CPD: variants seen among roughly 807,000 people sequenced by gnomAD.
The protein encoded by CPD is metallocarboxypeptidase D.
In CPD, 69 loss-of-function variants were observed where a neutral mutation model predicts 138.3. That is an observed-to-expected ratio of 0.50 (90% CI 0.41 to 0.61). The LOEUF (loss-of-function observed/expected upper bound fraction) is 0.61. Among genes scored for constraint, CPD ranks in the 20% least tolerant of loss-of-function variants. The pLI is 0.00. For synonymous variants in CPD, 651 were observed against 642.1 expected, an observed-to-expected ratio of 1.01 and a Z score of -0.21; for missense variants, 1,432 against 1,733.3, an observed-to-expected ratio of 0.83 and a Z score of 3.09.
chr17:30,464,943 T>C lies in CPD; in HGVS notation c.*129T>C. ...AGCTTTGGGAAATTAAATTGCTAAATTTGTATTCTCTGTGAATTTCACTGG... is the reference window on the plus strand; with the variant it reads ...AGCTTTGGGAAATTAAATTGCTAAACTTGTATTCTCTGTGAATTTCACTGG... On this transcript the variant is annotated 3_prime_UTR_variant, in exon 21 of 21. Transcript: ENST00000225719. The C allele has an allele frequency of 1.4e-6, 1 of 729,068 alleles. No individual in the cohort carries two copies. Among genetic ancestry groups the C allele is most frequent in the African/African-American group, 1.8e-5 (1 of 56,566 alleles). 45.2% of individuals were successfully genotyped at this position (729,068 alleles called of 1,614,324 possible). A position where few individuals can be genotyped will look rare whatever the true frequency, so the allele number is the denominator to read the frequency against.
At chr17:30,425,169 C>A (rs1320475414) in intron 6 of CPD, among the ~76,000 whole-genome samples, 1 of 152,098 alleles carries the variant, frequency 6.6e-6, no homozygotes, top group Non-Finnish European at 1.5e-5. Flanking sequence ...GGCTCCCACT[C>A]CCTATTAAAA....
chr17:30,418,154 C>T (rs1169615234), intron 2 of CPD, among the ~76,000 whole-genome samples: 1 of 151,822 alleles, frequency 6.6e-6, no homozygotes, highest in Non-Finnish European at 1.5e-5. Flanking sequence ...GTGGCATAGA[C>T]CCATAATATC....
At chr17:30,441,724 C>T (rs12943482) in intron 9 of CPD, among the ~76,000 whole-genome samples, 16,535 of 108,488 alleles carry the variant, frequency 0.15, 579 homozygotes, top group Non-Finnish European at 0.22. Flanking sequence ...TATTGATTTG[C>T]GTATATTGAA....
Position 30,379,390 on chromosome 17 carries a change from A to G in CPD, c.410A>G (p.Asn137Ser). The stretch of plus-strand genomic sequence containing the variant: ...CGGCCCCAGGTGAAGCTGGTGGGCA[A>G]CATGCATGGCGACGAGACCGTGTCG... ...PGRPQVKLVGNMHGDETVSRQ... is the reference protein window; with the variant it reads ...PGRPQVKLVGSMHGDETVSRQ... Residue 137 changes from asparagine (N) to serine (S), a missense_variant, in exon 1 of 21, where the codon AAC becomes AGC. Physicochemically the swap from Asn to Ser is conservative, Grantham distance 46. Around this residue, in one of 6 missense-constraint regions of CPD, gnomAD observed 484 missense variants for 477.2 expected, o/e 1.01. Coordinates refer to ENST00000225719, the MANE Select transcript of CPD (RefSeq NM_001304.5). This position sits in a 1 kb window ranked among gnomAD's most constrained non-coding sequence, Gnocchi z 7.0. The G allele has an allele frequency of 2.0e-6, 3 of 1,535,050 alleles. No individual in the cohort carries two copies. The highest frequency in any genetic ancestry group is 2.6e-6 in the Non-Finnish European group (3 of 1,149,962).
chr17:30,401,482 C>T, intron 2 of CPD, among the ~76,000 whole-genome samples: 1 of 150,928 alleles, frequency 6.6e-6, no homozygotes, highest in Non-Finnish European at 1.5e-5. Flanking sequence ...TCTTCTTCCT[C>T]TTCCTGTTAT....
chr17:30,448,266 G>A (rs1913078461), intron 12 of CPD, among the ~76,000 whole-genome samples: 1 of 152,170 alleles, frequency 6.6e-6, no homozygotes, highest in South Asian at 2.1e-4. Context: ...GGGAGGCCCA[G>A]GTGGGAGGAT....
At chr17:30,432,000 C>A (rs2143441336) in intron 8 of CPD, 119 bp downstream of exon 8, 3 of 680,364 alleles carry the variant, frequency 4.4e-6, no homozygotes, top group Non-Finnish European at 4.8e-6. Context: ...ATGACTTTTT[C>A]AGCTGTTTCC....
intron 6 of CPD, among the ~76,000 whole-genome samples, chr17:30,425,785 A>T (rs536517792): frequency 1.3e-5 from 2 of 152,188 alleles, no homozygotes; most frequent in South Asian, 4.1e-4. Flanking sequence ...TAATTGGAAT[A>T]TTTTTCCTCC....
intron 2 of CPD, among the ~76,000 whole-genome samples, chr17:30,407,752 C>T (rs879428912): frequency 3.0e-4 from 46 of 152,052 alleles, no homozygotes; most frequent in Non-Finnish European, 6.2e-4. Context: ...AAAATTTTCT[C>T]CCATTCTGTA....
intron 2 of CPD, among the ~76,000 whole-genome samples, chr17:30,399,963 C>T (rs1311776982): frequency 2.0e-5 from 3 of 152,126 alleles, no homozygotes; most frequent in Non-Finnish European, 4.4e-5. Context: ...TGCACTCCAA[C>T]CTGGGTAATA....
chr17:30,444,748 A>G (rs975438314), intron 11 of CPD, among the ~76,000 whole-genome samples: 1 of 152,030 alleles, frequency 6.6e-6, no homozygotes, highest in Admixed American at 6.5e-5. Context: ...TTATCTTTTG[A>G]TAAGTATAGA....
chr17:30,427,476 A>G lies in CPD; in HGVS notation c.1935A>G (p.Thr645=). ...TCCCAGACCAGTTTGTTCAGATCAC[A>G]GATCCTACGCAACCAGAAACTATTG... ...RNFPDQFVQI[T]DPTQPETIAV... The change falls in exon 7 of 21, where the codon ACA becomes ACG. Residue 645 remains threonine (T), a synonymous_variant. Coordinates refer to ENST00000225719, the MANE Select transcript of CPD (RefSeq NM_001304.5). 6.2e-7 allele frequency: 1 copy of G among 1,614,172 alleles called. No individual in the cohort carries two copies. The highest frequency in any genetic ancestry group is 8.5e-7 in the Non-Finnish European group (1 of 1,180,014).
intron 2 of CPD, among the ~76,000 whole-genome samples, chr17:30,397,737 CA>C (rs71138885): frequency 0.065 from 2,070 of 31,866 alleles, 10 homozygotes; most frequent in African/African-American, 0.1. Context: ...ACTCCTGTCT[CA>C]AAAAAAAAAA....
At chr17:30,412,922 A>G (rs1912005409) in intron 2 of CPD, among the ~76,000 whole-genome samples, 1 of 152,138 alleles carries the variant, frequency 6.6e-6, no homozygotes, top group Non-Finnish European at 1.5e-5. Flanking sequence ...TGAACCAGGT[A>G]TCTCAGTTGG....
In CPD at chr17:30,388,966, G is replaced by C. The variant is rs76380848; in HGVS notation, c.994+3730G>C. On this transcript the variant is annotated intron_variant, in intron 2 of 20. Transcript: ENST00000225719. ...AGCCCAGGAACCCGGGACCCTTAGT[G>C]GGGTGGGCGCAGTGGCTGCACTTCT... Among the ~76,000 whole-genome samples the C allele has an allele frequency of 0.016, 2,379 of 152,284 alleles. 123 individuals carry two copies. In the East Asian group the frequency reaches 0.19, roughly 12 times the overall value.
At chr17:30,382,027 A>G (rs1911063225) in intron 1 of CPD, among the ~76,000 whole-genome samples, 1 of 152,156 alleles carries the variant, frequency 6.6e-6, no homozygotes, top group African/African-American at 2.4e-5. Context: ...CTATTTTTTT[A>G]TAGTTGACCG....
chr17:30,466,369 T>C lies in CPD; in HGVS notation c.*1555T>C, dbSNP rs1913638013. ...TCCTAGGTCGTTCAACCAGGTTTTG[T>C]GAGGAATGCATTCAAAGTGGCTTTA... is the stretch of plus-strand genomic sequence containing the variant. On this transcript the variant is annotated 3_prime_UTR_variant, in exon 21 of 21. Coordinates refer to ENST00000225719, the MANE Select transcript of CPD (RefSeq NM_001304.5). 1 of 152,572 alleles carries C rather than the reference T, an allele frequency of 6.6e-6. No homozygotes were observed. The highest frequency in any genetic ancestry group is 2.4e-5 in the African/African-American group (1 of 41,444). 9.5% of individuals were successfully genotyped at this position (152,572 alleles called of 1,614,324 possible). A position where few individuals can be genotyped will look rare whatever the true frequency, so the allele number is the denominator to read the frequency against.
At chr17:30,399,067 C>T (rs888779966) in intron 2 of CPD, among the ~76,000 whole-genome samples, 1 of 151,906 alleles carries the variant, frequency 6.6e-6, no homozygotes, top group South Asian at 2.1e-4. Context: ...ATTATAGACT[C>T]AGAGGAAACG....
chr17:30,437,014 G>C (rs1218506098), intron 8 of CPD, among the ~76,000 whole-genome samples: 1 of 151,994 alleles, frequency 6.6e-6, no homozygotes, highest in Non-Finnish European at 1.5e-5. Context: ...AGTGAAAGAA[G>C]TCACAAGAGA....
Sources: gnomAD v4.1 joint callset for allele counts (sites outside exome capture counted in the v4.1 genomes callset) on GRCh38, gnomAD v4.1.1 for gene constraint, gnomAD v4.1.1 regional missense constraint, Gnocchi (gnomAD v3.1) non-coding constraint, MANE v1.5 for transcripts, NCBI Gene and HGNC (gene_info 2026-07-23, HGNC 2026-07-21) for gene names.